The following CD96 variants were observed in gnomAD, a reference collection of about 807,000 sequenced individuals.
The protein encoded by CD96 is CD96 molecule.
CD96 carries 70 observed loss-of-function variants against 71.3 expected under a neutral mutation model. The ratio of observed to expected loss-of-function variants is 0.98; its 90% CI spans 0.81 to 1.20. The LOEUF (loss-of-function observed/expected upper bound fraction) is 1.20. Ranked by LOEUF, CD96 falls within the 50% of genes most tolerant of loss-of-function variation. The pLI is 0.00. For missense variants in CD96, 742 were observed against 677.5 expected (o/e 1.10, Z -1.06); for synonymous variants, 248 against 233.0 (o/e 1.06, Z -0.59).
At chr3:111,665,718 C>G (rs1940464197) in exon 15 of CD96, 1 of 152,238 alleles carries the variant, frequency 6.6e-6, no homozygotes, top group Admixed American at 6.5e-5. Flanking sequence ...CCCTCAAACC[C>G]TTGGGCAGTG....
intron 2 of CD96, among the ~76,000 whole-genome samples, chr3:111,561,710 G>A (rs1371437461): frequency 1.1e-4 from 15 of 139,522 alleles, no homozygotes; most frequent in African/African-American, 3.9e-4. Flanking sequence ...AGGCAGGCAG[G>A]CCTCCTTGAG....
At chr3:111,588,302 T>C (rs1576354504) in intron 5 of CD96, among the ~76,000 whole-genome samples, 2 of 152,198 alleles carry the variant, frequency 1.3e-5, no homozygotes, top group East Asian at 3.8e-4. Context: ...GCCACCAGTC[T>C]CTTAACTAAA....
chr3:111,570,674 C>G, intron 3 of CD96: 1 of 1,611,514 alleles, frequency 6.2e-7, no homozygotes, highest in Non-Finnish European at 8.5e-7. Context: ...AGCATTTGCC[C>G]TGGTAGGAAT....
At chr3:111,648,732 T>C (rs1939946471) in intron 13 of CD96, among the ~76,000 whole-genome samples, 1 of 146,746 alleles carries the variant, frequency 6.8e-6, no homozygotes, top group African/African-American at 2.7e-5. Flanking sequence ...AGAATCAATC[T>C]CTCTATCCTC....
intron 2 of CD96, among the ~76,000 whole-genome samples, chr3:111,565,542 G>A (rs1935666853): frequency 6.6e-6 from 1 of 151,776 alleles, no homozygotes; most frequent in Non-Finnish European, 1.5e-5. Context: ...ATATATATAA[G>A]TAAAACAATT....
intron 8 of CD96, among the ~76,000 whole-genome samples, chr3:111,613,319 G>A (rs1271682647): frequency 1.3e-5 from 2 of 152,188 alleles, no homozygotes; most frequent in Non-Finnish European, 2.9e-5. Flanking sequence ...CCCCAAGGGA[G>A]TCCTGAAACC....
At chr3:111,591,370 T>A (rs9823561) in intron 5 of CD96, among the ~76,000 whole-genome samples, 1 of 121,566 alleles carries the variant, frequency 8.2e-6, no homozygotes, top group Non-Finnish European at 1.6e-5. Context: ...AGACTCCATC[T>A]TAAAAAAAAA....
At chr3:111,653,123 A>G (rs1472828858), downstream of CD96, among the ~76,000 whole-genome samples, 5 of 152,160 alleles carry the variant, frequency 3.3e-5, no homozygotes, top group African/African-American at 1.2e-4. Flanking sequence ...CCAAGGCTTG[A>G]AAAGTACTTC....
intron 10 of CD96, among the ~76,000 whole-genome samples, chr3:111,625,534 T>C (rs1440063332): frequency 6.6e-6 from 1 of 152,108 alleles, no homozygotes; most frequent in African/African-American, 2.4e-5. Context: ...AAGAGGAGAC[T>C]GTTCAGCAAA....
Position 111,652,155 on chromosome 3 carries a change from C to G in CD96, c.*2349C>G, listed in dbSNP as rs1940110773. On this transcript the variant is annotated 3_prime_UTR_variant, in exon 14 of 14. Transcript: ENST00000352690. ...GATAATAAGTGCTTATTGTTTAACA[C>G]CATTAATTTTGAGTATAATTTGTTA... 6.6e-6 allele frequency: 1 copy of G among 152,066 alleles called. No homozygotes were observed. Among genetic ancestry groups the G allele is most frequent in the Admixed American group, 6.6e-5 (1 of 15,254 alleles). The allele number at this position is 152,066 out of a possible 1,614,324, so 9.4% of individuals were successfully genotyped here. A position where few individuals can be genotyped will look rare whatever the true frequency, so the allele number is the denominator to read the frequency against.
intron 2 of CD96, among the ~76,000 whole-genome samples, chr3:111,551,662 C>T (rs1934712520): frequency 6.6e-6 from 1 of 152,030 alleles, no homozygotes; most frequent in African/African-American, 2.4e-5. Context: ...CATTCCATCA[C>T]CCAGGTATTA....
Position 111,651,118 on chromosome 3 carries a change from G to T in CD96, c.*1312G>T, listed in dbSNP as rs1047329957. ...CAGAATGTCTGAGGAGTGAGACACA[G>T]GCATCAACACTCTCAAATGATTCAC... On this transcript the variant is annotated 3_prime_UTR_variant, in exon 14 of 14. Transcript: ENST00000352690. 1 of 152,152 alleles carries T rather than the reference G, an allele frequency of 6.6e-6. No homozygotes were observed. Among genetic ancestry groups the T allele is most frequent in the East Asian group, 1.9e-4 (1 of 5,198 alleles). 9.4% of individuals were successfully genotyped at this position (152,152 alleles called of 1,614,324 possible).
intron 10 of CD96, among the ~76,000 whole-genome samples, chr3:111,625,159 T>C (rs1938688765): frequency 6.6e-6 from 1 of 152,232 alleles, no homozygotes; most frequent in South Asian, 2.1e-4. Context: ...ATATTTCATA[T>C]ACTCTTGCTC....
chr3:111,634,360 G>A (rs779521600), intron 10 of CD96: 6 of 152,154 alleles, frequency 3.9e-5, no homozygotes, highest in Non-Finnish European at 7.3e-5. Flanking sequence ...TTATGCTCAA[G>A]GAAGGATATA....
chr3:111,547,863 G>T (rs952352151), intron 2 of CD96, among the ~76,000 whole-genome samples: 4 of 152,114 alleles, frequency 2.6e-5, no homozygotes, highest in Admixed American at 1.3e-4. Context: ...AAACAGAAGG[G>T]GGAAACATCC....
intron 5 of CD96, 120 bp downstream of exon 5, chr3:111,585,498 G>A (rs1047295364): frequency 2.9e-6 from 2 of 695,542 alleles, no homozygotes; most frequent in Admixed American, 2.0e-5. Context: ...CCAATTAACT[G>A]CTAATAGGGA....
At chr3:111,615,330 C>T (rs1238669309) in intron 8 of CD96, among the ~76,000 whole-genome samples, 3 of 152,106 alleles carry the variant, frequency 2.0e-5, no homozygotes, top group Non-Finnish European at 4.4e-5. Flanking sequence ...GGTGAGGATG[C>T]TTGAGGAACA....
intron 2 of CD96, among the ~76,000 whole-genome samples, chr3:111,555,967 T>G (rs1934998426): frequency 6.6e-6 from 1 of 152,304 alleles, no homozygotes; most frequent in African/African-American, 2.4e-5. Flanking sequence ...ATCCTTTTTC[T>G]CCCTTGAGAT....
chr3:111,636,333 T>C lies in CD96; in HGVS notation c.1322-863T>C, dbSNP rs568645377. On this transcript the variant is annotated intron_variant, in intron 10 of 13. Transcript: ENST00000352690. ...GGGCTGAGGGTATTGTTTGTTTTAT[T>C]TTGATTTTGCTCACTTGATTTGGTC... is the stretch of plus-strand genomic sequence containing the variant. Among the ~76,000 whole-genome samples the C allele has an allele frequency of 6.6e-4, 100 of 152,322 alleles. No homozygotes were observed. In the South Asian group the frequency reaches 1.0e-2, roughly 15 times the overall value.
Sources: allele counts gnomAD v4.1 joint callset (sites outside exome capture counted in the v4.1 genomes callset), GRCh38; gene constraint gnomAD v4.1.1; transcripts MANE v1.5; gene names NCBI Gene and HGNC (gene_info 2026-07-23, HGNC 2026-07-21).